The following RBMS3 variants were observed in gnomAD, a reference collection of about 807,000 sequenced individuals.
RBMS3 encodes the protein RNA-binding motif, single-stranded-interacting protein 3.
RBMS3 carries 27 observed loss-of-function variants against 66.8 expected under a neutral mutation model. The observed-to-expected ratio is 0.40, with a 90% confidence interval of 0.30 to 0.56. RBMS3 has a LOEUF of 0.56. Among genes scored for constraint, RBMS3 ranks in the 20% least tolerant of loss-of-function variants. The probability of loss-of-function intolerance (pLI) is 0.40; values close to 1 mark genes in which losing one functional copy is unlikely to be tolerated. For synonymous variants in RBMS3, 188 were observed against 183.0 expected (o/e 1.03, Z -0.22); for missense variants, 513 against 549.5 (o/e 0.93, Z 0.66).
At chr3:29,338,389 A>G (rs2036077510) in intron 1 of RBMS3, among the ~76,000 whole-genome samples, 2 of 152,172 alleles carry the variant, frequency 1.3e-5, no homozygotes, top group African/African-American at 2.4e-5. Context: ...CTTCAGCCCA[A>G]CAATATGGTC....
chr3:29,354,759 G>A (rs1023474563), intron 1 of RBMS3, among the ~76,000 whole-genome samples: 1 of 152,004 alleles, frequency 6.6e-6, no homozygotes, highest in East Asian at 1.9e-4. Context: ...TGACCAAGGG[G>A]GTGTATTCTT....
At chr3:29,659,341 G>A (rs897057428) in intron 4 of RBMS3, among the ~76,000 whole-genome samples, 3 of 151,932 alleles carry the variant, frequency 2.0e-5, no homozygotes, top group Non-Finnish European at 2.9e-5. Context: ...AGCCCTTTTC[G>A]TCTTTTAAAA....
At chr3:29,752,349 G>A (rs370212385) in intron 5 of RBMS3, among the ~76,000 whole-genome samples, 1 of 152,030 alleles carries the variant, frequency 6.6e-6, no homozygotes, top group Non-Finnish European at 1.5e-5. Context: ...TGGAGGGTGG[G>A]GCCGGCCAGG....
intron 3 of RBMS3, among the ~76,000 whole-genome samples, chr3:29,583,198 G>A (rs1188814804): frequency 1.3e-5 from 2 of 152,012 alleles, no homozygotes; most frequent in Middle Eastern, 3.2e-3. Flanking sequence ...AATGTCCTCC[G>A]TTCAGATTGA....
Position 29,321,302 on chromosome 3 carries a change from A to T in RBMS3, c.75+39546A>T, listed in dbSNP as rs996457665. 2.0e-5 allele frequency among the ~76,000 whole-genome samples: 3 copies of T among 152,134 alleles called. No homozygotes were observed. In the East Asian group the frequency reaches 5.8e-4, roughly 29 times the overall value. On this transcript the variant is annotated intron_variant, in intron 1 of 14. Coordinates refer to ENST00000383767, the MANE Select transcript of RBMS3 (RefSeq NM_001003793.3). Reference sequence around the variant, plus strand: ...CATTTTGACATTATTACCTGGTGAAAAATAAAATACGACACATTTTTACTG... The same window carrying T: ...CATTTTGACATTATTACCTGGTGAATAATAAAATACGACACATTTTTACTG...
chr3:29,926,644 A>T (rs1418206471), intron 10 of RBMS3, among the ~76,000 whole-genome samples: 1 of 152,190 alleles, frequency 6.6e-6, no homozygotes, highest in African/African-American at 2.4e-5. Flanking sequence ...GAGAAGTTTT[A>T]TGACAGCTCA....
chr3:29,782,805 T>C (rs1288820611), intron 6 of RBMS3, among the ~76,000 whole-genome samples: 2 of 151,698 alleles, frequency 1.3e-5, no homozygotes, highest in Admixed American at 1.3e-4. Context: ...TGAAAGAAAA[T>C]TCTTCAGTGA....
intron 12 of RBMS3, among the ~76,000 whole-genome samples, chr3:29,944,984 A>C (rs993437864): frequency 4.3e-4 from 65 of 151,906 alleles, no homozygotes; most frequent in African/African-American, 1.6e-3. Context: ...TGAACTGCAC[A>C]GATCTTCTTG....
intron 3 of RBMS3, among the ~76,000 whole-genome samples, chr3:29,519,758 A>G (rs1179861739): frequency 6.6e-6 from 1 of 152,142 alleles, no homozygotes; most frequent in Non-Finnish European, 1.5e-5. Flanking sequence ...CCAAAATAGT[A>G]TCAAACTGCC....
chr3:29,652,585 A>G (rs1033813254), intron 4 of RBMS3, among the ~76,000 whole-genome samples: 2 of 152,114 alleles, frequency 1.3e-5, no homozygotes, highest in African/African-American at 4.8e-5. Context: ...AGAATCAGAG[A>G]CAAAATTAAA....
intron 1 of RBMS3, among the ~76,000 whole-genome samples, chr3:29,398,342 T>A (rs997665811): frequency 3.3e-5 from 5 of 152,144 alleles, no homozygotes; most frequent in Non-Finnish European, 7.4e-5. Flanking sequence ...GGGAGCAGGA[T>A]GGATACAATT....
At chr3:29,712,515 G>A (rs1042463850) in intron 4 of RBMS3, among the ~76,000 whole-genome samples, 1 of 152,056 alleles carries the variant, frequency 6.6e-6, no homozygotes, top group Non-Finnish European at 1.5e-5. Context: ...GTTTCACCAT[G>A]TTGTCCAGGC....
At chr3:29,524,477 G>C (rs2045001285) in intron 3 of RBMS3, among the ~76,000 whole-genome samples, 1 of 135,402 alleles carries the variant, frequency 7.4e-6, no homozygotes, top group Non-Finnish European at 1.5e-5. Flanking sequence ...TCCCAGGCTG[G>C]AGCGCAGTGG....
intron 3 of RBMS3, among the ~76,000 whole-genome samples, chr3:29,580,665 C>T (rs1425326100): frequency 6.8e-6 from 1 of 146,764 alleles, no homozygotes; most frequent in African/African-American, 2.5e-5. Flanking sequence ...GTAGTAGATG[C>T]TTAGTAAATT....
At chr3:29,390,405 C>T (rs1188488208) in intron 1 of RBMS3, among the ~76,000 whole-genome samples, 3 of 152,116 alleles carry the variant, frequency 2.0e-5, no homozygotes, top group African/African-American at 2.4e-5. Context: ...GTCAAATAAG[C>T]TGGGAAGGCC....
intron 8 of RBMS3, among the ~76,000 whole-genome samples, chr3:29,894,506 C>G (rs896843110): frequency 3.3e-5 from 5 of 151,350 alleles, no homozygotes; most frequent in African/African-American, 1.2e-4. Context: ...GTGAGAGAGC[C>G]TGAGTGAGCT....
chr3:29,471,676 C>T (rs1387319790), intron 2 of RBMS3, among the ~76,000 whole-genome samples: 3 of 146,510 alleles, frequency 2.0e-5, no homozygotes, highest in Non-Finnish European at 3.0e-5. Context: ...CTCAAAACTA[C>T]TATTTTTATT....
At chr3:29,331,477 C>G (rs1057092062) in intron 1 of RBMS3, among the ~76,000 whole-genome samples, 3 of 152,060 alleles carry the variant, frequency 2.0e-5, no homozygotes, top group African/African-American at 7.3e-5. Flanking sequence ...TGCCTTATTT[C>G]CCTTCTCTGT....
chr3:29,546,105 GGTTT>G (rs1008980069), intron 3 of RBMS3, among the ~76,000 whole-genome samples: 2 of 102,370 alleles, frequency 2.0e-5, no homozygotes, highest in African/African-American at 7.9e-5. Flanking sequence ...TGATGAGACG[GGTTT>G]GTGTGTGTGT....
Sources: allele counts gnomAD v4.1 joint callset (sites outside exome capture counted in the v4.1 genomes callset), GRCh38; gene constraint gnomAD v4.1.1; transcripts MANE v1.5; gene names NCBI Gene and HGNC (gene_info 2026-07-23, HGNC 2026-07-21).